The following LRBA variants were observed in gnomAD, a reference collection of about 807,000 sequenced individuals.
LRBA encodes the protein LPS responsive beige-like anchor protein.
A neutral mutation model predicts 330.0 loss-of-function variants in LRBA; 176 were observed. The observed-to-expected ratio is 0.53, with a 90% CI of 0.47 to 0.60. LRBA has a LOEUF of 0.60. Ranked by LOEUF, LRBA falls within the 20% of genes least tolerant of loss-of-function variation. The probability of loss-of-function intolerance (pLI) is 0.00; values close to 1 mark genes in which losing one functional copy is unlikely to be tolerated. For missense variants in LRBA, 3,259 were observed against 3,444.8 expected, an observed-to-expected ratio of 0.95 and a Z score of 1.35; for synonymous variants, 1,230 against 1,193.0, an observed-to-expected ratio of 1.03 and a Z score of -0.64.
intron 36 of LRBA, among the ~76,000 whole-genome samples, chr4:150,708,115 C>T (rs1452372785): frequency 6.6e-6 from 1 of 151,490 alleles, no homozygotes; most frequent in Non-Finnish European, 1.5e-5. Context: ...TCACAAGTAA[C>T]AGGCGCATCA....
At chr4:150,797,555 AC>A (rs2126669262) in intron 34 of LRBA, among the ~76,000 whole-genome samples, 1 of 152,172 alleles carries the variant, frequency 6.6e-6, no homozygotes, top group East Asian at 1.9e-4. Context: ...GTTTTGGAAC[AC>A]CTAAAATAAT....
intron 53 of LRBA, among the ~76,000 whole-genome samples, chr4:150,292,849 C>G (rs912373396): frequency 2.6e-4 from 40 of 152,158 alleles, no homozygotes; most frequent in African/African-American, 9.4e-4. Flanking sequence ...AAGTCCATAC[C>G]ACTTGTAACA....
chr4:150,833,442 G>A (rs1747505186), intron 28 of LRBA, among the ~76,000 whole-genome samples: 1 of 152,022 alleles, frequency 6.6e-6, no homozygotes. Context: ...GGCATACCAT[G>A]GAGATACCAC....
chr4:150,741,972 AT>A (rs1429692745), intron 35 of LRBA, among the ~76,000 whole-genome samples: 1 of 152,040 alleles, frequency 6.6e-6, no homozygotes, highest in Non-Finnish European at 1.5e-5. Context: ...ACCCATTCTG[AT>A]TAGCGCTTTT....
chr4:150,771,066 C>A (rs1310445558), intron 34 of LRBA, among the ~76,000 whole-genome samples: 1 of 152,156 alleles, frequency 6.6e-6, no homozygotes, highest in African/African-American at 2.4e-5. Flanking sequence ...ATCTTAACTT[C>A]CGGTTCAATG....
chr4:150,797,534 T>C (rs1049776967), intron 34 of LRBA, among the ~76,000 whole-genome samples: 3 of 152,024 alleles, frequency 2.0e-5, no homozygotes, highest in Non-Finnish European at 4.4e-5. Flanking sequence ...GTTTACCACA[T>C]GAGGTACAAG....
chr4:150,398,633 C>CTT (rs57787237), intron 47 of LRBA, among the ~76,000 whole-genome samples: 12 of 147,350 alleles, frequency 8.1e-5, no homozygotes, highest in South Asian at 2.1e-4. Flanking sequence ...TTCTTTCTTT[C>CTT]TTTTTTTTTT....
chr4:150,590,926 G>T (rs539642196), intron 38 of LRBA, 67 bp from the exon 39 acceptor site: 4 of 1,502,238 alleles, frequency 2.7e-6, no homozygotes, highest in South Asian at 1.2e-5. Flanking sequence ...AGGGGTAGGG[G>T]CTTAGGTAAG....
rs1747593982 is a variant in LRBA at position 150,415,420 on chromosome 4, A to G, written c.7194+18T>C. The G allele has an allele frequency of 6.2e-7, 1 of 1,610,256 alleles. No homozygotes were observed. Among genetic ancestry groups the G allele is most frequent in the South Asian group, 1.1e-5 (1 of 90,366 alleles). ...AGCAAAAGCTCATGACAGACAGAGT[A>G]GATGATTATTATCTTACCAATCTGT... On this transcript the variant is annotated intron_variant, in intron 47 of 56. Transcript: ENST00000651943.
intron 33 of LRBA, among the ~76,000 whole-genome samples, chr4:150,804,714 C>CA (rs1032460992): frequency 3.3e-5 from 5 of 151,924 alleles, no homozygotes; most frequent in East Asian, 1.9e-4. Context: ...ATCACGGGCC[C>CA]AAAAAAAGCC....
intron 29 of LRBA, 21 bp from the exon 30 acceptor site, chr4:150,828,642 C>T (rs746838893): frequency 2.5e-6 from 4 of 1,582,852 alleles, no homozygotes; most frequent in Non-Finnish European, 2.6e-6. Flanking sequence ...CCCAGAAACA[C>T]AAGAAATAAA....
chr4:150,346,757 CAAAAAAAAAAAAA>C (rs57119340), intron 48 of LRBA, among the ~76,000 whole-genome samples: 4 of 66,136 alleles, frequency 6.0e-5, no homozygotes, highest in East Asian at 5.9e-4. Flanking sequence ...GACTCTGTCT[CAAAAAAAAAAAAA>C]AAAAAAAAAA....
In LRBA at chr4:150,849,085, T is replaced by G. The variant is rs550085929; in HGVS notation, c.4159-87A>C. On this transcript the variant is annotated intron_variant, in intron 25 of 56. Transcript: ENST00000651943. ...ATAGTCCTAAAATTTATAAATTGCA[T>G]AAGTAGTCAGACTTTCAGAAACCTA... 83 of 868,134 alleles carry G rather than the reference T, an allele frequency of 9.6e-5. No homozygotes were observed. In the South Asian group the frequency reaches 1.5e-3, roughly 15 times the overall value. The allele number at this position is 868,134 out of a possible 1,614,324, so 53.8% of individuals were successfully genotyped here. A position where few individuals can be genotyped will look rare whatever the true frequency, so the allele number is the denominator to read the frequency against.
intron 49 of LRBA, among the ~76,000 whole-genome samples, chr4:150,324,666 C>T (rs1312947698): frequency 6.6e-6 from 1 of 151,520 alleles, no homozygotes; most frequent in Non-Finnish European, 1.5e-5. Context: ...TTCTTACTTT[C>T]TTCACTGCTA....
At chr4:151,002,196 C>CAAAAAAAAAAAAAAAAAAAAAAA (rs143587760) in intron 2 of LRBA, among the ~76,000 whole-genome samples, 1 of 24,398 alleles carries the variant, frequency 4.1e-5, no homozygotes, top group African/African-American at 1.6e-4. Context: ...CATAAAACAG[C>CAAAAAAAAAAAAAAAAAAAAAAA]AAAAAAAAAA....
chr4:150,979,236 T>A (rs575890814), intron 2 of LRBA, among the ~76,000 whole-genome samples: 1 of 152,166 alleles, frequency 6.6e-6, no homozygotes, highest in Non-Finnish European at 1.5e-5. Flanking sequence ...GTGGCATGAA[T>A]ATATTTAAGG....
intron 37 of LRBA, among the ~76,000 whole-genome samples, chr4:150,636,928 G>A (rs528984138): frequency 9.9e-5 from 15 of 152,264 alleles, no homozygotes; most frequent in South Asian, 8.3e-4. Context: ...GATTACAGGC[G>A]TGAACTATCA....
At chr4:150,747,889 C>T (rs185318506) in intron 35 of LRBA, among the ~76,000 whole-genome samples, 1 of 152,288 alleles carries the variant, frequency 6.6e-6, no homozygotes, top group African/African-American at 2.4e-5. Flanking sequence ...CTAACCCTAT[C>T]CTTGGTCTCC....
chr4:150,828,952 T>C (rs1184493125), intron 29 of LRBA, among the ~76,000 whole-genome samples: 2 of 151,754 alleles, frequency 1.3e-5, no homozygotes, highest in Non-Finnish European at 2.9e-5. Context: ...TGTGTGTGTG[T>C]GTGTGTGTGT....
Sources: allele counts gnomAD v4.1 joint callset (sites outside exome capture counted in the v4.1 genomes callset), GRCh38; gene constraint gnomAD v4.1.1; transcripts MANE v1.5; gene names NCBI Gene and HGNC (gene_info 2026-07-23, HGNC 2026-07-21).